UBE2O: variants seen among roughly 807,000 people sequenced by gnomAD.
UBE2O encodes ubiquitin conjugating enzyme E2 O, also known as (E3-independent) E2 ubiquitin-conjugating enzyme.
In UBE2O, 15 loss-of-function variants were observed where a neutral mutation model predicts 125.8. That is an observed-to-expected ratio of 0.12 (90% CI 0.08 to 0.18). The LOEUF is 0.18. Ranked by LOEUF, UBE2O falls within the 10% of genes least tolerant of loss-of-function variation. UBE2O has a pLI of 1.00. For synonymous variants in UBE2O, 708 were observed against 703.2 expected (o/e 1.01, Z -0.11); for missense variants, 1,280 against 1,723.6 (o/e 0.74, Z 4.56).
Position 76,391,519 on chromosome 17 carries a change from A to G in UBE2O, c.3303T>C (p.Asn1101=), listed in dbSNP as rs2072114133. The G allele has an allele frequency of 1.2e-6, 2 of 1,613,896 alleles. No homozygotes were observed. Among genetic ancestry groups the G allele is most frequent in the Non-Finnish European group, 1.7e-6 (2 of 1,180,030 alleles). The stretch of plus-strand genomic sequence containing the variant: ...GCACCACGCGGATCAGCGCCATCTC[A>G]TTGTAACAGCGACTGTTTTCATAGC... ...QEGYENSRCY[N]EMALIRVVQS... is the part of the protein sequence containing the mutation. The change falls in exon 18 of 18, where the codon AAT becomes AAC. Residue 1101 remains asparagine (N), a synonymous_variant. Transcript: ENST00000319380. The surrounding 1 kb of genome is among the most constrained non-coding windows in gnomAD (Gnocchi z 8.4).
chr17:76,391,285 G>A lies in UBE2O; in HGVS notation c.3537C>T (p.Asp1179=), dbSNP rs746126113. ...PEPPAVAELS[D]SGQQEPEDGG... ...CATCCTCAGGTTCTTGTTGGCCGGA[G>A]TCTGACAGCTCGGCTACAGCTGGGG... The change falls in exon 18 of 18, where the codon GAC becomes GAT. Residue 1179 remains aspartate, a synonymous_variant. Transcript: ENST00000319380. This position sits in a 1 kb window ranked among gnomAD's most constrained non-coding sequence, Gnocchi z 8.4. The A allele has an allele frequency of 1.2e-6, 2 of 1,612,780 alleles. No individual in the cohort carries two copies. The highest frequency in any genetic ancestry group is 2.7e-5 in the African/African-American group (2 of 74,926).
intron 1 of UBE2O, among the ~76,000 whole-genome samples, chr17:76,421,534 T>C: frequency 6.6e-6 from 1 of 151,880 alleles, no homozygotes; most frequent in East Asian, 1.9e-4. Context: ...CCCAACTAAT[T>C]TTGTATTTTT....
Position 76,445,081 on chromosome 17 carries a change from C to T in UBE2O, c.417+7644G>A, listed in dbSNP as rs532571455. On this transcript the variant is annotated intron_variant, in intron 1 of 17. Coordinates refer to ENST00000319380, the MANE Select transcript of UBE2O (RefSeq NM_022066.4). Reference sequence around the variant, plus strand: ...TTAAAAGGAGGAGGAAGAACATCATCGGAGCTGCTGAGTGTGAAAAGACCA... The same window carrying T: ...TTAAAAGGAGGAGGAAGAACATCATTGGAGCTGCTGAGTGTGAAAAGACCA... 2.6e-4 allele frequency among the ~76,000 whole-genome samples: 39 copies of T among 152,322 alleles called. 1 individual carries two copies. The South Asian group carries it at 6.4e-3, about 25-fold the overall frequency.
intron 1 of UBE2O, among the ~76,000 whole-genome samples, chr17:76,406,127 C>T (rs1417047597): frequency 1.3e-5 from 2 of 152,196 alleles, no homozygotes; most frequent in Admixed American, 6.5e-5. Context: ...TTATCTGCTG[C>T]GCTTGGAGCC....
chr17:76,400,044 G>A lies in UBE2O; in HGVS notation c.1155+103C>T, dbSNP rs778267928. On this transcript the variant is annotated intron_variant, in intron 8 of 17. Transcript: ENST00000319380. This position sits in a 1 kb window ranked among gnomAD's most constrained non-coding sequence, Gnocchi z 4.3. ...TGAGTAGCCGGCAAGGGTCATCAGG[G>A]CTGCCCCCCAAGGCCTAAAGCACAG... is the stretch of plus-strand genomic sequence containing the variant. 7.4e-5 allele frequency: 114 copies of A among 1,532,832 alleles called. No homozygotes were observed. In the Admixed American group the frequency reaches 1.6e-3, roughly 22 times the overall value. 95.0% of individuals were successfully genotyped at this position (1,532,832 alleles called of 1,614,324 possible).
At chr17:76,406,444 C>G (rs1386455604) in intron 1 of UBE2O, among the ~76,000 whole-genome samples, 1 of 152,022 alleles carries the variant, frequency 6.6e-6, no homozygotes, top group East Asian at 1.9e-4. Context: ...AATAGCCAAC[C>G]AGACACTCCT....
chr17:76,441,286 C>A (rs147792246), intron 1 of UBE2O, among the ~76,000 whole-genome samples: 1 of 152,188 alleles, frequency 6.6e-6, no homozygotes, highest in Non-Finnish European at 1.5e-5. Context: ...AAAACAACTA[C>A]CATATTTACA....
chr17:76,447,854 T>C (rs908385845), intron 1 of UBE2O, among the ~76,000 whole-genome samples: 7 of 152,204 alleles, frequency 4.6e-5, no homozygotes, highest in African/African-American at 1.7e-4. Flanking sequence ...AGTGATCTTC[T>C]GAAGGCACAG....
At chr17:76,393,542 T>C (rs1468379215) in intron 15 of UBE2O, among the ~76,000 whole-genome samples, 1 of 152,094 alleles carries the variant, frequency 6.6e-6, no homozygotes, top group African/African-American at 2.4e-5. Context: ...CAACCCTGTC[T>C]TTTAAAAACA....
chr17:76,432,937 T>C lies in UBE2O; in HGVS notation c.417+19788A>G, dbSNP rs367873169. On this transcript the variant is annotated intron_variant, in intron 1 of 17. Transcript: ENST00000319380. Reference sequence around the variant, plus strand: ...ATAAACAAAGTGACAGTCACAAGCATTGGTGAGCATGTGGAGAAACTGGAA... The same window carrying C: ...ATAAACAAAGTGACAGTCACAAGCACTGGTGAGCATGTGGAGAAACTGGAA... Among the ~76,000 whole-genome samples the C allele has an allele frequency of 9.9e-5, 15 of 152,274 alleles. No individual in the cohort carries two copies. The East Asian group carries it at 2.9e-3, about 29-fold the overall frequency.
chr17:76,396,859 G>C lies in UBE2O; in HGVS notation c.2116-38C>G, dbSNP rs1287590692. The C allele has an allele frequency of 6.6e-7, 1 of 1,526,192 alleles. No homozygotes were observed. The allele number at this position is 1,526,192 out of a possible 1,614,324, so 94.5% of individuals were successfully genotyped here. A position where few individuals can be genotyped will look rare whatever the true frequency, so the allele number is the denominator to read the frequency against. On this transcript the variant is annotated intron_variant, in intron 13 of 17. Transcript: ENST00000319380. The surrounding 1 kb of genome is among the most constrained non-coding windows in gnomAD (Gnocchi z 6.7). ...GGGAAGTGCCAGGGTAAGCAGACAGGAAGTCACCTCCCCACCACTAAGGAG... is the reference window on the plus strand; with the variant it reads ...GGGAAGTGCCAGGGTAAGCAGACAGCAAGTCACCTCCCCACCACTAAGGAG...
intron 1 of UBE2O, among the ~76,000 whole-genome samples, chr17:76,433,338 G>A (rs1009198666): frequency 8.1e-5 from 12 of 148,026 alleles, no homozygotes; most frequent in East Asian, 2.0e-4. Context: ...AATCAGTCAC[G>A]AAGGCCACAT....
At chr17:76,397,923 G>C (rs1476428168) in intron 12 of UBE2O, 35 bp from the exon 13 acceptor site, 1 of 1,607,580 alleles carries the variant, frequency 6.2e-7, no homozygotes, top group Admixed American at 1.7e-5. Flanking sequence ...AGGGGGCCCA[G>C]CTCAAGCTCC....
intron 1 of UBE2O, among the ~76,000 whole-genome samples, chr17:76,443,261 C>G (rs1215684196): frequency 2.6e-5 from 4 of 151,614 alleles, no homozygotes; most frequent in Non-Finnish European, 4.4e-5. Flanking sequence ...GGTTCAGAAC[C>G]AAAAACAAAA....
Position 76,391,473 on chromosome 17 carries a change from G to C in UBE2O, c.3349C>G (p.Arg1117Gly), listed in dbSNP as rs141700513. 1 of 1,613,898 alleles carries C rather than the reference G, an allele frequency of 6.2e-7. No individual in the cohort carries two copies. The highest frequency in any genetic ancestry group is 1.1e-5 in the South Asian group (1 of 91,084). ...TGCTCAAAGACCTCGGGGGGCCGCC[G>C]CACCAGCTGGGTCATGGACTGCACC... ...RVVQSMTQLV[R>G]RPPEVFEQEI... Residue 1117 changes from arginine (R) to glycine (G), a missense_variant, in exon 18 of 18, where the codon CGG becomes GGG. Physicochemically the swap from Arg to Gly is moderately radical, Grantham distance 125. Coordinates refer to ENST00000319380, the MANE Select transcript of UBE2O (RefSeq NM_022066.4). The surrounding 1 kb of genome is among the most constrained non-coding windows in gnomAD (Gnocchi z 8.4).
At position 76,405,397 on chromosome 17, in the gene UBE2O, C is replaced by T. The variant is rs530764198; in HGVS notation, c.478-81G>A. 2.3e-5 allele frequency: 35 copies of T among 1,504,210 alleles called. No individual in the cohort carries two copies. The highest frequency in any genetic ancestry group is 9.4e-5 in the South Asian group (8 of 85,272). 93.2% of individuals were successfully genotyped at this position (1,504,210 alleles called of 1,614,324 possible). On this transcript the variant is annotated intron_variant, in intron 2 of 17. Coordinates refer to ENST00000319380, the MANE Select transcript of UBE2O (RefSeq NM_022066.4). The surrounding 1 kb of genome is among the most constrained non-coding windows in gnomAD (Gnocchi z 6.1). ...GGAGACCCAGCCCAGGCAACCCCAG[C>T]GCACCCCCTGCAGAGCTGGCCAGTT...
At chr17:76,424,312 G>A (rs1334463840) in intron 1 of UBE2O, among the ~76,000 whole-genome samples, 1 of 149,140 alleles carries the variant, frequency 6.7e-6, no homozygotes, top group Admixed American at 6.7e-5. Context: ...AGGTTCAAGC[G>A]ATTCTCCTGT....
intron 15 of UBE2O, among the ~76,000 whole-genome samples, chr17:76,393,090 C>T (rs890613142): frequency 3.3e-5 from 5 of 151,678 alleles, no homozygotes; most frequent in Non-Finnish European, 7.4e-5. Flanking sequence ...GGGACCCTAT[C>T]TCTACAAAAA....
chr17:76,451,166 G>A (rs376906577), intron 1 of UBE2O, among the ~76,000 whole-genome samples: 2 of 152,142 alleles, frequency 1.3e-5, no homozygotes, highest in African/African-American at 4.8e-5. Flanking sequence ...CAAAAATCAC[G>A]AATCTCTCAA....
Sources: allele counts gnomAD v4.1 joint callset (sites outside exome capture counted in the v4.1 genomes callset), GRCh38; gene constraint gnomAD v4.1.1; non-coding constraint Gnocchi (gnomAD v3.1); transcripts MANE v1.5; gene names NCBI Gene and HGNC (gene_info 2026-07-23, HGNC 2026-07-21).